Variants in KCNG3 observed in about 807,000 individuals in gnomAD.
KCNG3 encodes the protein potassium voltage-gated channel modifier subfamily G member 3.
A neutral mutation model predicts 29.0 loss-of-function variants in KCNG3; 15 were observed. The observed-to-expected ratio is 0.52, with a 90% CI of 0.35 to 0.80. The LOEUF is 0.80. Among genes scored for constraint, KCNG3 ranks in the 30% least tolerant of loss-of-function variants. The pLI, the probability that KCNG3 is intolerant of heterozygous loss-of-function variation, is 0.01. For missense variants in KCNG3, 512 were observed against 605.7 expected, an observed-to-expected ratio of 0.85 and a Z score of 1.62; for synonymous variants, 322 against 248.9, an observed-to-expected ratio of 1.29 and a Z score of -2.76.
chr2:42,449,847 A>G (rs1459147393), intron 1 of KCNG3, among the ~76,000 whole-genome samples: 1 of 152,210 alleles, frequency 6.6e-6, no homozygotes, highest in African/African-American at 2.4e-5. Flanking sequence ...AGGAGCACGC[A>G]GCAGTGATAA....
At chr2:42,394,188 G>A in the KCNG3 span, among the ~76,000 whole-genome samples, 1 of 152,270 alleles carries the variant, frequency 6.6e-6, no homozygotes, top group East Asian at 1.9e-4. Context: ...CCAGAACTGG[G>A]TCACATGACC....
chr2:42,460,381 A>C (rs1339501688), intron 1 of KCNG3, among the ~76,000 whole-genome samples: 1 of 152,192 alleles, frequency 6.6e-6, no homozygotes, highest in Admixed American at 6.5e-5. Flanking sequence ...TTAATTAATA[A>C]TTAAATCATT....
At chr2:42,466,533 T>C (rs1353775475) in intron 1 of KCNG3, among the ~76,000 whole-genome samples, 1 of 152,308 alleles carries the variant, frequency 6.6e-6, no homozygotes, top group East Asian at 1.9e-4. Flanking sequence ...GGCTATACTA[T>C]ACAGCCTAAG....
At chr2:42,441,905 G>A (rs902089592), downstream of KCNG3, 6 of 151,920 alleles carry the variant, frequency 3.9e-5, no homozygotes, top group Admixed American at 2.0e-4. Flanking sequence ...AACAGACACT[G>A]TCGGGGATAC....
the KCNG3 span, among the ~76,000 whole-genome samples, chr2:42,435,672 C>T: frequency 2.0e-5 from 3 of 152,172 alleles, no homozygotes; most frequent in South Asian, 2.1e-4. Context: ...TAGGGAAATG[C>T]AAGTCATAAT....
chr2:42,457,975 AT>A (rs1672921759), intron 1 of KCNG3, among the ~76,000 whole-genome samples: 1 of 152,046 alleles, frequency 6.6e-6, no homozygotes, highest in Non-Finnish European at 1.5e-5. Context: ...AAATAAGTAA[AT>A]TTTAAACAAA....
the KCNG3 span, among the ~76,000 whole-genome samples, chr2:42,410,250 C>G: frequency 6.6e-6 from 1 of 152,118 alleles, no homozygotes; most frequent in African/African-American, 2.4e-5. Flanking sequence ...CTATTATATA[C>G]AATGCACAAT....
At chr2:42,430,977 G>A in the KCNG3 span, among the ~76,000 whole-genome samples, 11 of 151,496 alleles carry the variant, frequency 7.3e-5, no homozygotes, top group Admixed American at 1.3e-4. Context: ...GGGTGTACAC[G>A]CACCTGTAAT....
At chr2:42,460,756 A>C (rs1197296582) in intron 1 of KCNG3, among the ~76,000 whole-genome samples, 1 of 152,162 alleles carries the variant, frequency 6.6e-6, no homozygotes, top group Admixed American at 6.6e-5. Flanking sequence ...TGGGCCACTG[A>C]CCAGTGTTTA....
At chr2:42,478,828 G>A (rs1320720317) in intron 1 of KCNG3, among the ~76,000 whole-genome samples, 1 of 152,078 alleles carries the variant, frequency 6.6e-6, no homozygotes, top group African/African-American at 2.4e-5. Flanking sequence ...TTCTTAAAGT[G>A]TGCATCCCAG....
At chr2:42,411,004 G>C in the KCNG3 span, among the ~76,000 whole-genome samples, 1 of 152,118 alleles carries the variant, frequency 6.6e-6, no homozygotes, top group Non-Finnish European at 1.5e-5. Flanking sequence ...GCTTTTTCCA[G>C]ATAACTTTCT....
chr2:42,493,047 C>A lies in KCNG3; in HGVS notation c.455G>T (p.Arg152Leu), dbSNP rs760138394. The change falls in exon 1 of 2, where the codon CGC (arginine) becomes CTC (leucine). Residue 152 changes from arginine (R) to leucine (L), a missense_variant. Physicochemically the swap from Arg to Leu is moderately radical, Grantham distance 102. This residue lies in a region of KCNG3 where 228 missense variants were observed against 200.0 expected (regional missense o/e 1.14). Transcript: ENST00000306078. ...GGTCCGCCGCATGCGCTCCAGCCAGCGCCTGGAGGGAGCCGCCTCGGCCCC... is the reference window on the plus strand; with the variant it reads ...GGTCCGCCGCATGCGCTCCAGCCAGAGCCTGGAGGGAGCCGCCTCGGCCCC... ...PGGAEAAPSR[R>L]WLERMRRTFE... 2 of 1,521,790 alleles carry A rather than the reference C, an allele frequency of 1.3e-6. No homozygotes were observed. The highest frequency in any genetic ancestry group is 1.2e-5 in the South Asian group (1 of 81,110). 94.3% of individuals were successfully genotyped at this position (1,521,790 alleles called of 1,614,324 possible).
chr2:42,391,156 G>A, the KCNG3 span, among the ~76,000 whole-genome samples: 1 of 152,190 alleles, frequency 6.6e-6, no homozygotes, highest in East Asian at 1.9e-4. Flanking sequence ...GCCTCATTAT[G>A]TCTTGTGTCT....
chr2:42,476,910 G>A (rs571418240), intron 1 of KCNG3, among the ~76,000 whole-genome samples: 3 of 151,048 alleles, frequency 2.0e-5, no homozygotes, highest in South Asian at 4.2e-4. Flanking sequence ...TTAAGGCCGG[G>A]CGTGGTGGCT....
the KCNG3 span, among the ~76,000 whole-genome samples, chr2:42,422,948 G>A: frequency 6.6e-6 from 1 of 152,010 alleles, no homozygotes; most frequent in Non-Finnish European, 1.5e-5. Context: ...ACCAAGCCTA[G>A]GTTACTTCCT....
At chr2:42,399,893 G>A in the KCNG3 span, among the ~76,000 whole-genome samples, 1 of 152,122 alleles carries the variant, frequency 6.6e-6, no homozygotes, top group Non-Finnish European at 1.5e-5. Context: ...AGAAACTCAA[G>A]TACCAGCAAC....
the KCNG3 span, among the ~76,000 whole-genome samples, chr2:42,412,373 G>A: frequency 5.3e-5 from 8 of 152,244 alleles, no homozygotes; most frequent in African/African-American, 1.7e-4. Context: ...GAAATTCTTG[G>A]AGTGACTTTG....
chr2:42,405,583 C>T, the KCNG3 span, among the ~76,000 whole-genome samples: 1 of 151,814 alleles, frequency 6.6e-6, no homozygotes, highest in South Asian at 2.1e-4. Flanking sequence ...AGATTACAGG[C>T]GTCTGCCACC....
chr2:42,490,304 G>A (rs769166330), intron 1 of KCNG3, among the ~76,000 whole-genome samples: 1 of 152,174 alleles, frequency 6.6e-6, no homozygotes, highest in Admixed American at 6.6e-5. Context: ...GGCCAGGCGC[G>A]GTGGCTCACG....
Sources: gnomAD v4.1 joint callset for allele counts (sites outside exome capture counted in the v4.1 genomes callset) on GRCh38, gnomAD v4.1.1 for gene constraint, gnomAD v4.1.1 regional missense constraint, MANE v1.5 for transcripts, NCBI Gene and HGNC (gene_info 2026-07-23, HGNC 2026-07-21) for gene names.